The following TMEM131 variants were observed in gnomAD, a reference collection of about 807,000 sequenced individuals.
TMEM131 encodes 2610524E03Rik.
In TMEM131, 66 loss-of-function variants were observed where a neutral mutation model predicts 211.6. The ratio of observed to expected loss-of-function variants is 0.31; its 90% CI spans 0.26 to 0.38. The LOEUF (loss-of-function observed/expected upper bound fraction) is 0.38, where lower values mean the gene tolerates loss of function less well. TMEM131 is among the 10% of genes least tolerant of loss of function. The pLI, the probability that TMEM131 is intolerant of heterozygous loss-of-function variation, is 1.00. For missense variants in TMEM131, 2,036 were observed against 2,299.3 expected, an observed-to-expected ratio of 0.89 and a Z score of 2.34; for synonymous variants, 844 against 841.3, an observed-to-expected ratio of 1.00 and a Z score of -0.06.
rs1475514099 is a variant in TMEM131 at position 97,892,000 on chromosome 2, T to C, written c.291-3880A>G. Among the ~76,000 whole-genome samples the C allele has an allele frequency of 3.3e-5, 5 of 152,098 alleles. No homozygotes were observed. The South Asian group carries it at 1.0e-3, about 32-fold the overall frequency. ...GTAAAACTATCAAAGTCACCAGCAGTTTAAATTGATTTCAAATATGATTTT... is the reference window on the plus strand; with the variant it reads ...GTAAAACTATCAAAGTCACCAGCAGCTTAAATTGATTTCAAATATGATTTT... On this transcript the variant is annotated intron_variant, in intron 3 of 40. Coordinates refer to ENST00000186436, the MANE Select transcript of TMEM131 (RefSeq NM_015348.2).
chr2:97,905,715 G>A (rs1676040347), intron 3 of TMEM131, among the ~76,000 whole-genome samples: 1 of 152,080 alleles, frequency 6.6e-6, no homozygotes, highest in African/African-American at 2.4e-5. Context: ...GGCTTCATTT[G>A]TTTCTTTTTC....
intron 29 of TMEM131, among the ~76,000 whole-genome samples, chr2:97,794,592 T>C (rs1449051655): frequency 2.0e-5 from 3 of 152,344 alleles, no homozygotes; most frequent in East Asian, 1.9e-4. Flanking sequence ...TTAAAAAATA[T>C]TTCTAATCAG....
intron 31 of TMEM131, among the ~76,000 whole-genome samples, chr2:97,788,158 A>G (rs2104867526): frequency 6.6e-6 from 1 of 152,058 alleles, no homozygotes; most frequent in African/African-American, 2.4e-5. Context: ...TACTCCACCA[A>G]CTACCCAGTT....
At position 97,766,187 on chromosome 2, in the gene TMEM131, G is replaced by A. The variant is rs747345470; in HGVS notation, c.4650C>T (p.Thr1550=). 1 of 1,614,028 alleles carries A rather than the reference G, an allele frequency of 6.2e-7. No individual in the cohort carries two copies. The highest frequency in any genetic ancestry group is 8.5e-7 in the Non-Finnish European group (1 of 1,179,888). ...FLPNSQELGN[T]SSSEGEKDSP... ...AGTCTTTTTCACCCTCTGAGCTACT[G>A]GTGTTGCCTAATTCTTGACTATTCG... The change falls in exon 35 of 41, where the codon ACC becomes ACT. Residue 1550 remains threonine, a synonymous_variant. Coordinates refer to ENST00000186436, the MANE Select transcript of TMEM131 (RefSeq NM_015348.2).
At chr2:97,936,594 G>A (rs186760161) in intron 1 of TMEM131, among the ~76,000 whole-genome samples, 2 of 152,268 alleles carry the variant, frequency 1.3e-5, no homozygotes, top group East Asian at 1.9e-4. Context: ...CTCACCACAC[G>A]GAGACTTCAG....
intron 1 of TMEM131, among the ~76,000 whole-genome samples, chr2:97,983,046 CTT>C (rs1283043524): frequency 6.6e-6 from 1 of 152,178 alleles, no homozygotes; most frequent in Non-Finnish European, 1.5e-5. Context: ...CCTCCATGCT[CTT>C]GTTACCCAAT....
rs115920274 is a variant in TMEM131 at position 97,812,843 on chromosome 2, T to C, written c.1618-94A>G. 2.0e-3 allele frequency: 1,373 copies of C among 680,762 alleles called. 19 individuals are homozygous for C. The highest frequency in any genetic ancestry group is 0.019 in the African/African-American group (1,035 of 53,558). The allele number at this position is 680,762 out of a possible 1,614,324, so 42.2% of individuals were successfully genotyped here. A position where few individuals can be genotyped will look rare whatever the true frequency, so the allele number is the denominator to read the frequency against. ...TAACTATATTAAAGATGTATTAAAG[T>C]TCCCCCCAAAATTAGCTGGGCATGG... On this transcript the variant is annotated intron_variant, in intron 15 of 40. Coordinates refer to ENST00000186436, the MANE Select transcript of TMEM131 (RefSeq NM_015348.2).
At chr2:97,809,864 T>G (rs1260156592) in intron 18 of TMEM131, 90 bp from the exon 19 acceptor site, 15 of 973,918 alleles carry the variant, frequency 1.5e-5, no homozygotes, top group Non-Finnish European at 2.4e-5. Flanking sequence ...GTTAACCTAA[T>G]TTTGGGACTA....
intron 1 of TMEM131, among the ~76,000 whole-genome samples, chr2:97,984,674 T>C (rs1223292557): frequency 6.6e-6 from 1 of 151,326 alleles, no homozygotes; most frequent in Non-Finnish European, 1.5e-5. Flanking sequence ...GGGAGGGCAT[T>C]AATCTATTCA....
chr2:97,909,049 A>T (rs1676190793), intron 2 of TMEM131, among the ~76,000 whole-genome samples: 1 of 152,176 alleles, frequency 6.6e-6, no homozygotes. Context: ...CATGGAACTC[A>T]AGGTACAGTG....
At chr2:97,778,643 T>C (rs1039050617) in intron 31 of TMEM131, among the ~76,000 whole-genome samples, 3 of 152,212 alleles carry the variant, frequency 2.0e-5, no homozygotes, top group African/African-American at 7.2e-5. Context: ...TCCTTCGACT[T>C]CTGTCCCTAG....
At chr2:97,950,376 ACAGT>A (rs1387080386) in intron 1 of TMEM131, among the ~76,000 whole-genome samples, 1 of 152,212 alleles carries the variant, frequency 6.6e-6, no homozygotes, top group African/African-American at 2.4e-5. Context: ...CAATTTAAAA[ACAGT>A]CAAAGTTTGA....
intron 7 of TMEM131, among the ~76,000 whole-genome samples, chr2:97,839,189 T>C (rs2105087846): frequency 6.6e-6 from 1 of 152,220 alleles, no homozygotes; most frequent in Non-Finnish European, 1.5e-5. Context: ...TAGCCAGGTG[T>C]GGTGGCGTGC....
chr2:97,949,911 G>A (rs796494434), intron 1 of TMEM131, among the ~76,000 whole-genome samples: 29 of 151,592 alleles, frequency 1.9e-4, no homozygotes, highest in African/African-American at 7.0e-4. Flanking sequence ...GCTTCTGAAG[G>A]ATTCCAAATC....
intron 4 of TMEM131, among the ~76,000 whole-genome samples, chr2:97,882,396 A>C (rs1343217251): frequency 6.6e-6 from 1 of 152,220 alleles, no homozygotes; most frequent in Non-Finnish European, 1.5e-5. Context: ...AACATAATTA[A>C]AGTCCCTAAT....
chr2:97,860,637 A>G (rs929963366), intron 4 of TMEM131, among the ~76,000 whole-genome samples: 3 of 152,188 alleles, frequency 2.0e-5, no homozygotes, highest in African/African-American at 7.2e-5. Context: ...AAGACTTGGG[A>G]AAGTTGATAA....
At chr2:97,791,732 C>T (rs1680506106) in intron 31 of TMEM131, among the ~76,000 whole-genome samples, 1 of 152,172 alleles carries the variant, frequency 6.6e-6, no homozygotes, top group Admixed American at 6.5e-5. Flanking sequence ...TTCTTTTAAG[C>T]CCCTGGGTTT....
chr2:97,867,307 T>A (rs1368133435), intron 4 of TMEM131, among the ~76,000 whole-genome samples: 2 of 152,244 alleles, frequency 1.3e-5, no homozygotes, highest in African/African-American at 4.8e-5. Flanking sequence ...ACTGTCGCAT[T>A]GTGTATTTCT....
At chr2:97,974,761 A>G (rs2104616238) in intron 1 of TMEM131, among the ~76,000 whole-genome samples, 1 of 152,282 alleles carries the variant, frequency 6.6e-6, no homozygotes, top group South Asian at 2.1e-4. Context: ...AAATAAAAGT[A>G]TCTGAGAACA....
Sources: allele counts gnomAD v4.1 joint callset (sites outside exome capture counted in the v4.1 genomes callset), GRCh38; gene constraint gnomAD v4.1.1; transcripts MANE v1.5; gene names NCBI Gene and HGNC (gene_info 2026-07-23, HGNC 2026-07-21).